EYA3: variants seen among roughly 807,000 people sequenced by gnomAD.
The protein encoded by EYA3 is protein phosphatase EYA3.
A neutral mutation model predicts 80.0 loss-of-function variants in EYA3; 39 were observed. The observed-to-expected ratio is 0.49, with a 90% CI of 0.38 to 0.64. The LOEUF is 0.64. Among genes scored for constraint, EYA3 ranks in the 30% least tolerant of loss-of-function variants. EYA3 has a pLI of 0.00. For missense variants in EYA3, 523 were observed against 676.1 expected, an observed-to-expected ratio of 0.77 and a Z score of 2.51; for synonymous variants, 206 against 232.8, an observed-to-expected ratio of 0.88 and a Z score of 1.05.
At chr1:28,008,887 T>C (rs1220725198) in intron 10 of EYA3, among the ~76,000 whole-genome samples, 1 of 152,106 alleles carries the variant, frequency 6.6e-6, no homozygotes, top group Non-Finnish European at 1.5e-5. Context: ...GAGGTTGCAA[T>C]GAGCCGAGAT....
chr1:27,982,419 G>A (rs113978022), intron 16 of EYA3, among the ~76,000 whole-genome samples: 2 of 150,466 alleles, frequency 1.3e-5, no homozygotes, highest in Non-Finnish European at 3.0e-5. Context: ...GCCCTGGGAT[G>A]ACAGGCGTGA....
intron 1 of EYA3, among the ~76,000 whole-genome samples, chr1:28,060,089 A>G (rs1644568087): frequency 6.6e-6 from 1 of 152,220 alleles, no homozygotes; most frequent in Non-Finnish European, 1.5e-5. Flanking sequence ...ATTGAAGGCC[A>G]TGACTATAAA....
chr1:28,061,047 G>C (rs1470881822), intron 1 of EYA3, among the ~76,000 whole-genome samples: 1 of 151,912 alleles, frequency 6.6e-6, no homozygotes. Context: ...TAAAAACCAG[G>C]CTTGCTATCT....
intron 1 of EYA3, among the ~76,000 whole-genome samples, chr1:28,084,556 A>ATATAT (rs1645543986): frequency 3.7e-4 from 12 of 32,722 alleles, no homozygotes; most frequent in Non-Finnish European, 6.0e-4. Flanking sequence ...ACTATTCCAA[A>ATATAT]ATATATATAT....
intron 2 of EYA3, among the ~76,000 whole-genome samples, chr1:28,051,788 C>T (rs1460065107): frequency 6.6e-6 from 1 of 152,058 alleles, no homozygotes; most frequent in East Asian, 1.9e-4. Context: ...AATGCAAAGA[C>T]ACCCCATATC....
At chr1:28,043,710 C>T (rs369661878) in intron 3 of EYA3, among the ~76,000 whole-genome samples, 5 of 152,044 alleles carry the variant, frequency 3.3e-5, no homozygotes, top group Non-Finnish European at 5.9e-5. Flanking sequence ...TTGTGGTGCA[C>T]GCCTGTAGTC....
intron 1 of EYA3, among the ~76,000 whole-genome samples, chr1:28,070,458 A>G (rs1005881013): frequency 3.9e-5 from 6 of 152,136 alleles, no homozygotes; most frequent in Non-Finnish European, 8.8e-5. Flanking sequence ...GCTACTCCGG[A>G]GGCTGAGGCA....
At chr1:28,038,797 C>T in intron 5 of EYA3, 42 bp downstream of exon 5, 1 of 1,189,004 alleles carries the variant, frequency 8.4e-7, no homozygotes, top group Non-Finnish European at 1.2e-6. Flanking sequence ...AATGAATCTA[C>T]AGAAAAAGCA....
chr1:28,086,100 T>G (rs570843109), intron 1 of EYA3, among the ~76,000 whole-genome samples: 15 of 152,300 alleles, frequency 9.8e-5, no homozygotes, highest in African/African-American at 3.4e-4. Flanking sequence ...CACTAAATAC[T>G]ATATTGTGCT....
chr1:28,075,527 A>T lies in EYA3; in HGVS notation c.-69+12997T>A, dbSNP rs183737005. ...TGACAACTCTGGGAATGGAGTTTTG[A>T]AGAACTCTAAACTCGATCTATCCCT... On this transcript the variant is annotated intron_variant, in intron 1 of 17. Coordinates refer to ENST00000373871, the MANE Select transcript of EYA3 (RefSeq NM_001990.4). 2.1e-4 allele frequency among the ~76,000 whole-genome samples: 32 copies of T among 152,300 alleles called. No homozygotes were observed. The East Asian group carries it at 5.8e-3, about 28-fold the overall frequency.
At chr1:28,001,181 T>C (rs1398484045) in intron 11 of EYA3, among the ~76,000 whole-genome samples, 2 of 148,784 alleles carry the variant, frequency 1.3e-5, no homozygotes, top group African/African-American at 4.9e-5. Flanking sequence ...ACTATATCAC[T>C]ATGTAAATAT....
chr1:27,974,524 A>G lies in EYA3; in HGVS notation c.1664T>C (p.Ile555Thr). 4 of 1,612,730 alleles carry G rather than the reference A, an allele frequency of 2.5e-6. No individual in the cohort carries two copies. Among genetic ancestry groups the G allele is most frequent in the Non-Finnish European group, 3.4e-6 (4 of 1,178,932 alleles). The change falls in exon 18 of 18, where the codon ATC (isoleucine) becomes ACC (threonine). Residue 555 changes from isoleucine to threonine, a missense_variant. By Grantham distance (89) the Ile-to-Thr change is moderately conservative (BLOSUM62 -1). Transcript: ENST00000373871. ...AKQHNMPFWR[I>T]TNHGDLVSLH... Reference sequence around the variant, plus strand: ...GGATACTAGGTCTCCATGGTTTGTGATCCTCCAGAAAGGCATGTTGTGCTG... The same window carrying G: ...GGATACTAGGTCTCCATGGTTTGTGGTCCTCCAGAAAGGCATGTTGTGCTG...
intron 9 of EYA3, among the ~76,000 whole-genome samples, chr1:28,011,520 G>A (rs1036456433): frequency 1.4e-4 from 22 of 152,194 alleles, no homozygotes; most frequent in African/African-American, 4.3e-4. Flanking sequence ...CAGAAGCACC[G>A]CCCCACCTAG....
At chr1:28,056,429 G>A (rs562632511) in intron 2 of EYA3, among the ~76,000 whole-genome samples, 3 of 152,224 alleles carry the variant, frequency 2.0e-5, no homozygotes, top group African/African-American at 7.2e-5. Flanking sequence ...TACTTCCCCC[G>A]TGTGGCATGC....
At position 27,971,734 on chromosome 1, in the gene EYA3, T is replaced by C. The variant is rs1638744585; in HGVS notation, c.*2732A>G. Reference sequence around the variant, plus strand: ...TTGATGAATGGACCCACAGTGTCCTTTGGTCCTCAGCTTCTAACAGCTCTT... The same window carrying C: ...TTGATGAATGGACCCACAGTGTCCTCTGGTCCTCAGCTTCTAACAGCTCTT... On this transcript the variant is annotated 3_prime_UTR_variant, in exon 18 of 18. Coordinates refer to ENST00000373871, the MANE Select transcript of EYA3 (RefSeq NM_001990.4). 6.6e-6 allele frequency: 1 copy of C among 152,160 alleles called. No homozygotes were observed. The highest frequency in any genetic ancestry group is 2.1e-4 in the South Asian group (1 of 4,828). The allele number at this position is 152,160 out of a possible 1,614,324, so 9.4% of individuals were successfully genotyped here.
Position 28,004,318 on chromosome 1 carries a change from A to G in EYA3, c.993+18T>C. The G allele has an allele frequency of 6.4e-7, 1 of 1,570,550 alleles. No individual in the cohort carries two copies. The highest frequency in any genetic ancestry group is 8.7e-7 in the Non-Finnish European group (1 of 1,143,656). Reference sequence around the variant, plus strand: ...TAGTCAGAAGAGGGACAGTTACAACAAAGAAGACTCAAATTACCTTTCCAT... The same window carrying G: ...TAGTCAGAAGAGGGACAGTTACAACGAAGAAGACTCAAATTACCTTTCCAT... On this transcript the variant is annotated intron_variant, in intron 11 of 17. Transcript: ENST00000373871.
At chr1:28,043,168 T>G (rs1443074891) in intron 3 of EYA3, among the ~76,000 whole-genome samples, 1 of 152,132 alleles carries the variant, frequency 6.6e-6, no homozygotes, top group African/African-American at 2.4e-5. Flanking sequence ...TATCTCTAGA[T>G]CCCTTTAGTT....
chr1:27,999,677 T>G lies in EYA3; in HGVS notation c.1083+283A>C, dbSNP rs568575923. Among the ~76,000 whole-genome samples the G allele has an allele frequency of 7.2e-5, 11 of 152,304 alleles. No homozygotes were observed. In the South Asian group the frequency reaches 2.3e-3, roughly 32 times the overall value. ...GAATATTGGTTTATATGTCAGTGTT[T>G]TGCCTGATGGGTTGGCCTTTCCCCT... On this transcript the variant is annotated intron_variant, in intron 12 of 17. Coordinates refer to ENST00000373871, the MANE Select transcript of EYA3 (RefSeq NM_001990.4).
intron 10 of EYA3, among the ~76,000 whole-genome samples, chr1:28,007,703 T>A (rs1014727858): frequency 2.6e-5 from 4 of 151,210 alleles, no homozygotes; most frequent in African/African-American, 9.9e-5. Context: ...TGTGATAGCA[T>A]CAAAAAGAAA....
Sources: allele counts gnomAD v4.1 joint callset (sites outside exome capture counted in the v4.1 genomes callset), GRCh38; gene constraint gnomAD v4.1.1; transcripts MANE v1.5; gene names NCBI Gene and HGNC (gene_info 2026-07-23, HGNC 2026-07-21).